Variants in ASTN2 observed in about 807,000 individuals in gnomAD.
The protein encoded by ASTN2 is astrotactin-2.
ASTN2 carries 54 observed loss-of-function variants against 139.8 expected under a neutral mutation model. The observed-to-expected ratio is 0.39, with a 90% CI of 0.31 to 0.48. The LOEUF is 0.48. Ranked by LOEUF, ASTN2 falls within the 20% of genes least tolerant of loss-of-function variation. ASTN2 has a pLI of 0.95. For missense variants in ASTN2, 1,565 were observed against 1,725.1 expected (o/e 0.91, Z 1.64); for synonymous variants, 756 against 719.5 (o/e 1.05, Z -0.81).
intron 17 of ASTN2, among the ~76,000 whole-genome samples, chr9:116,650,678 C>A (rs1161846866): frequency 1.3e-5 from 2 of 152,150 alleles, no homozygotes; most frequent in East Asian, 3.9e-4. Flanking sequence ...TCACCAAACC[C>A]ATGTCTTCTC....
At chr9:116,992,520 T>G (rs1836888568) in intron 7 of ASTN2, among the ~76,000 whole-genome samples, 1 of 152,230 alleles carries the variant, frequency 6.6e-6, no homozygotes, top group Non-Finnish European at 1.5e-5. Context: ...TTGAAGTTTT[T>G]GCCTGAGGTG....
chr9:116,918,270 G>A (rs551465633), intron 10 of ASTN2, among the ~76,000 whole-genome samples: 1 of 152,154 alleles, frequency 6.6e-6, no homozygotes, highest in African/African-American at 2.4e-5. Context: ...CAGAGTAGAG[G>A]GAGAGGCTGC....
Position 116,698,828 on chromosome 9 carries a change from G to T in ASTN2, c.2806+26943C>A. ...AGTGCCTCTTTCTCAAGAAGATGGG[G>T]GCCAAAGGCAGCACTCCAGGAATGT... On this transcript the variant is annotated intron_variant, in intron 16 of 22. Coordinates refer to ENST00000313400, the MANE Select transcript of ASTN2 (RefSeq NM_001365068.1). This position sits in a 1 kb window ranked among gnomAD's most constrained non-coding sequence, Gnocchi z 4.4. 6.2e-7 allele frequency: 1 copy of T among 1,614,150 alleles called. No homozygotes were observed. Among genetic ancestry groups the T allele is most frequent in the Non-Finnish European group, 8.5e-7 (1 of 1,180,040 alleles).
intron 20 of ASTN2, among the ~76,000 whole-genome samples, chr9:116,451,395 A>G (rs1848169042): frequency 6.6e-6 from 1 of 152,182 alleles, no homozygotes; most frequent in Non-Finnish European, 1.5e-5. Context: ...GTGCTTTGCC[A>G]TAAATGAATG....
At chr9:117,412,011 C>T (rs1270671783) in intron 1 of ASTN2, among the ~76,000 whole-genome samples, 3 of 149,972 alleles carry the variant, frequency 2.0e-5, no homozygotes, top group Admixed American at 6.6e-5. Context: ...CACCCCTCCC[C>T]CCCCCAACCC....
chr9:116,769,876 C>G (rs946452547), intron 13 of ASTN2, among the ~76,000 whole-genome samples: 2 of 149,808 alleles, frequency 1.3e-5, no homozygotes, highest in African/African-American at 4.9e-5. Flanking sequence ...AAGACCCCAT[C>G]TGTACAAAAT....
intron 6 of ASTN2, 112 bp from the exon 7 acceptor site, chr9:117,008,371 A>G (rs1048786117): frequency 1.0e-6 from 1 of 987,794 alleles, no homozygotes; most frequent in South Asian, 2.4e-5. Flanking sequence ...ATCTGATCTC[A>G]TTTGTCTAAG....
chr9:117,320,397 C>T (rs1828289935), intron 1 of ASTN2, among the ~76,000 whole-genome samples: 1 of 152,190 alleles, frequency 6.6e-6, no homozygotes, highest in South Asian at 2.1e-4. Context: ...GACTGTCTTG[C>T]ATGGCTCTTT....
chr9:117,051,715 C>T (rs1035110104), intron 5 of ASTN2, among the ~76,000 whole-genome samples: 5 of 152,052 alleles, frequency 3.3e-5, no homozygotes, highest in African/African-American at 1.2e-4. Context: ...CCAGGAAAAA[C>T]GGAGCTGGAA....
At chr9:116,907,729 G>A (rs1834200732) in intron 10 of ASTN2, among the ~76,000 whole-genome samples, 1 of 152,204 alleles carries the variant, frequency 6.6e-6, no homozygotes, top group Non-Finnish European at 1.5e-5. Flanking sequence ...AAAACAAAAT[G>A]TGGTGGAGGT....
chr9:116,457,502 A>G (rs895631972), intron 20 of ASTN2, among the ~76,000 whole-genome samples: 7 of 152,294 alleles, frequency 4.6e-5, no homozygotes, highest in African/African-American at 1.7e-4. Flanking sequence ...ACTCAATACC[A>G]AAAAGATTCT....
intron 3 of ASTN2, among the ~76,000 whole-genome samples, chr9:117,156,935 G>T (rs1019762153): frequency 2.0e-5 from 3 of 151,958 alleles, no homozygotes; most frequent in Non-Finnish European, 4.4e-5. Flanking sequence ...CATGTATGAG[G>T]TTAGGAAGGT....
Position 117,414,392 on chromosome 9 carries a change from C to A in ASTN2, c.442+105G>T. ...TCCTCTACCCTCTGCCAACCCCACT[C>A]GGGGCAGCCCCGGGCAGGGATCCCC... On this transcript the variant is annotated intron_variant, in intron 1 of 22. Transcript: ENST00000313400. The surrounding 1 kb of genome is among the most constrained non-coding windows in gnomAD (Gnocchi z 4.2). The A allele has an allele frequency of 6.6e-7, 1 of 1,523,174 alleles. No homozygotes were observed. Among genetic ancestry groups the A allele is most frequent in the Non-Finnish European group, 8.8e-7 (1 of 1,136,550 alleles). The allele number at this position is 1,523,174 out of a possible 1,614,324, so 94.4% of individuals were successfully genotyped here.
chr9:116,906,810 A>G (rs2132413970), intron 10 of ASTN2, among the ~76,000 whole-genome samples: 1 of 152,222 alleles, frequency 6.6e-6, no homozygotes, highest in South Asian at 2.1e-4. Flanking sequence ...AGGTAATTCA[A>G]CCAGCAAAAT....
intron 13 of ASTN2, among the ~76,000 whole-genome samples, chr9:116,756,329 C>A (rs1194637177): frequency 1.3e-5 from 2 of 152,156 alleles, no homozygotes; most frequent in Admixed American, 6.5e-5. Flanking sequence ...ATTATAGAAC[C>A]TATCTAAACC....
chr9:116,439,056 T>C (rs1455883111), intron 22 of ASTN2, among the ~76,000 whole-genome samples: 2 of 152,072 alleles, frequency 1.3e-5, no homozygotes, highest in Non-Finnish European at 2.9e-5. Flanking sequence ...TTGAACAACA[T>C]TGTTTTCTGT....
chr9:117,348,238 G>A (rs1829284309), intron 1 of ASTN2, among the ~76,000 whole-genome samples: 1 of 152,152 alleles, frequency 6.6e-6, no homozygotes, highest in African/African-American at 2.4e-5. Context: ...CAATTTTCCA[G>A]GTAGTTCAGT....
intron 11 of ASTN2, among the ~76,000 whole-genome samples, chr9:116,854,442 G>C (rs553815532): frequency 6.6e-6 from 1 of 152,250 alleles, no homozygotes; most frequent in East Asian, 1.9e-4. Context: ...AAGTCACATG[G>C]CTAGTGAATG....
At chr9:116,639,550 A>C (rs941753503) in intron 17 of ASTN2, among the ~76,000 whole-genome samples, 1 of 152,224 alleles carries the variant, frequency 6.6e-6, no homozygotes, top group Non-Finnish European at 1.5e-5. Flanking sequence ...TAATGACCTA[A>C]GAAGAGCTCC....
Sources: gnomAD v4.1 joint callset for allele counts (sites outside exome capture counted in the v4.1 genomes callset) on GRCh38, gnomAD v4.1.1 for gene constraint, Gnocchi (gnomAD v3.1) non-coding constraint, MANE v1.5 for transcripts, NCBI Gene and HGNC (gene_info 2026-07-23, HGNC 2026-07-21) for gene names.